Variants in TNKS observed in about 807,000 individuals in gnomAD.
The protein encoded by TNKS is tankyrase.
TNKS carries 72 observed loss-of-function variants against 135.8 expected under a neutral mutation model. That is an observed-to-expected ratio of 0.53 (90% CI 0.44 to 0.64). The LOEUF (loss-of-function observed/expected upper bound fraction) is 0.64. Ranked by LOEUF, TNKS falls within the 30% of genes least tolerant of loss-of-function variation. The probability of loss-of-function intolerance (pLI) is 0.00; values close to 1 mark genes in which losing one functional copy is unlikely to be tolerated. For synonymous variants in TNKS, 849 were observed against 649.3 expected (o/e 1.31, Z -4.68); for missense variants, 1,769 against 1,674.0 (o/e 1.06, Z -0.99).
intron 1 of TNKS, among the ~76,000 whole-genome samples, chr8:9,563,769 CT>C (rs1797424403): frequency 6.6e-6 from 1 of 152,024 alleles, no homozygotes; most frequent in Admixed American, 6.6e-5. Context: ...ATAATTTTGT[CT>C]GCTTTGTGGG....
chr8:9,727,988 A>G (rs1360812395), intron 13 of TNKS, among the ~76,000 whole-genome samples: 3 of 152,180 alleles, frequency 2.0e-5, no homozygotes, highest in Admixed American at 6.5e-5. Flanking sequence ...TAAATATAAG[A>G]CGATTAGGCT....
chr8:9,661,333 A>G (rs188777640), intron 3 of TNKS, among the ~76,000 whole-genome samples: 1,550 of 152,346 alleles, frequency 0.01, 20 homozygotes, highest in African/African-American at 0.033. Flanking sequence ...ACTTCAAACT[A>G]TACTACAAGG....
chr8:9,753,817 G>T (rs1806682935), intron 20 of TNKS, among the ~76,000 whole-genome samples: 1 of 152,184 alleles, frequency 6.6e-6, no homozygotes, highest in Non-Finnish European at 1.5e-5. Context: ...CTGCCCGTAG[G>T]TATAATTCCT....
chr8:9,637,844 A>G (rs753490517), intron 3 of TNKS, among the ~76,000 whole-genome samples: 1 of 152,192 alleles, frequency 6.6e-6, no homozygotes, highest in Non-Finnish European at 1.5e-5. Flanking sequence ...AATGCAAGCA[A>G]TGTTTAAACC....
At position 9,778,135 on chromosome 8, in the gene TNKS, T is replaced by G. The variant is rs1288534978; in HGVS notation, c.*1399T>G. ...TTCATCAACATTTACCAAGTGCCAT[T>G]GACATTTATAAAAAAAAATGATCCT... is the stretch of plus-strand genomic sequence containing the variant. On this transcript the variant is annotated 3_prime_UTR_variant, in exon 27 of 27. Transcript: ENST00000310430. The G allele has an allele frequency of 1.6e-5, 1 of 60,710 alleles. No individual in the cohort carries two copies. Among genetic ancestry groups the G allele is most frequent in the Non-Finnish European group, 3.2e-5 (1 of 31,360 alleles). 3.8% of individuals were successfully genotyped at this position (60,710 alleles called of 1,614,324 possible).
chr8:9,629,024 A>C (rs1231543272), intron 3 of TNKS, among the ~76,000 whole-genome samples: 1 of 152,182 alleles, frequency 6.6e-6, no homozygotes, highest in Non-Finnish European at 1.5e-5. Context: ...TACCTCCAAA[A>C]TCTATTCCAA....
chr8:9,734,833 T>C (rs1805613310), intron 15 of TNKS, 32 bp from the exon 16 acceptor site: 5 of 1,583,650 alleles, frequency 3.2e-6, no homozygotes, highest in Non-Finnish European at 4.3e-6. Flanking sequence ...CTACAGAAAA[T>C]ACAAACCCCA....
chr8:9,580,224 G>A lies in TNKS; in HGVS notation c.739G>A (p.Asp247Asn), dbSNP rs530429097. Residue 247 changes from aspartate to asparagine, a missense_variant, in exon 2 of 27, where the codon GAT becomes AAT. Physicochemically the swap from Asp to Asn is conservative, Grantham distance 23 (BLOSUM62 1). Transcript: ENST00000310430. The stretch of plus-strand genomic sequence containing the variant: ...GGGTGCTAATGTCCACGCTCGTGAT[G>A]ATGGAGGTCTCATCCCGCTTCATAA... ...QMGANVHARDDGGLIPLHNAC... is the reference protein window; with the variant it reads ...QMGANVHARDNGGLIPLHNAC... 1 of 1,614,166 alleles carries A rather than the reference G, an allele frequency of 6.2e-7. No individual in the cohort carries two copies. The highest frequency in any genetic ancestry group is 2.2e-5 in the East Asian group (1 of 44,874).
Position 9,612,185 on chromosome 8 carries a change from A to G in TNKS, c.899-3397A>G, listed in dbSNP as rs149750547. On this transcript the variant is annotated intron_variant, in intron 2 of 26. Coordinates refer to ENST00000310430, the MANE Select transcript of TNKS (RefSeq NM_003747.3). ...TGGCTCAGTGCTTCTCAAATTGTCT[A>G]TGGTAGAGAACTGGGTTTTCTTTTT... 2.3e-3 allele frequency among the ~76,000 whole-genome samples: 352 copies of G among 152,256 alleles called. 2 individuals are homozygous for G. The highest frequency in any genetic ancestry group is 8.0e-3 in the African/African-American group (331 of 41,530).
chr8:9,608,968 A>G (rs1299544078), intron 2 of TNKS, among the ~76,000 whole-genome samples: 2 of 152,160 alleles, frequency 1.3e-5, no homozygotes, highest in East Asian at 3.9e-4. Flanking sequence ...GTCTGATACC[A>G]GTTACTCCAT....
chr8:9,556,746 T>A, intron 1 of TNKS, 134 bp downstream of exon 1: 1 of 933,498 alleles, frequency 1.1e-6, no homozygotes, highest in Non-Finnish European at 1.5e-6. Context: ...ACCAGAAGAC[T>A]GGAGGTTCCT....
At chr8:9,692,182 G>A (rs1413912790) in intron 5 of TNKS, among the ~76,000 whole-genome samples, 2 of 152,068 alleles carry the variant, frequency 1.3e-5, no homozygotes, top group African/African-American at 4.8e-5. Context: ...AATACCCAAC[G>A]GGTAGCCATC....
intron 15 of TNKS, among the ~76,000 whole-genome samples, chr8:9,734,411 C>A (rs1487180797): frequency 6.6e-6 from 1 of 151,868 alleles, no homozygotes; most frequent in East Asian, 1.9e-4. Flanking sequence ...AAAATATTAC[C>A]AAACTTTATT....
At chr8:9,776,611 A>C (rs779223855) in intron 26 of TNKS, 39 bp from the exon 27 acceptor site, 1 of 1,587,276 alleles carries the variant, frequency 6.3e-7, no homozygotes, top group Non-Finnish European at 8.7e-7. Context: ...TATTGTGCCT[A>C]CTAGAAGGGT....
At chr8:9,632,544 T>C (rs138171693) in intron 3 of TNKS, among the ~76,000 whole-genome samples, 2 of 152,338 alleles carry the variant, frequency 1.3e-5, no homozygotes, top group Non-Finnish European at 2.9e-5. Flanking sequence ...CAATACTAGG[T>C]AACTCTTTCT....
chr8:9,598,751 G>GTGTA (rs1221838527), intron 2 of TNKS, among the ~76,000 whole-genome samples: 47 of 93,544 alleles, frequency 5.0e-4, no homozygotes, highest in African/African-American at 1.7e-3. Flanking sequence ...GTGTATATAT[G>GTGTA]TATATGTGTG....
At chr8:9,613,894 C>A (rs1799548663) in intron 2 of TNKS, among the ~76,000 whole-genome samples, 1 of 152,086 alleles carries the variant, frequency 6.6e-6, no homozygotes, top group African/African-American at 2.4e-5. Flanking sequence ...ATGAAAGCTC[C>A]CATCATTTAA....
In TNKS at chr8:9,750,725, A is replaced by G. The variant is rs1051458956; in HGVS notation, c.2833-884A>G. Among the ~76,000 whole-genome samples the G allele has an allele frequency of 4.6e-5, 7 of 152,094 alleles. No individual in the cohort carries two copies. The South Asian group carries it at 1.5e-3, about 32-fold the overall frequency. On this transcript the variant is annotated intron_variant, in intron 18 of 26. Coordinates refer to ENST00000310430, the MANE Select transcript of TNKS (RefSeq NM_003747.3). ...ATTGCTGCCCACTAAGCCACCCCCA[A>G]ACCCACTGAGGGTTTAACGTGACAA...
chr8:9,672,743 C>A (rs1277200139), intron 3 of TNKS, among the ~76,000 whole-genome samples: 5 of 148,328 alleles, frequency 3.4e-5, no homozygotes, highest in Non-Finnish European at 7.4e-5. Context: ...TATCCCACTT[C>A]CCCCAGCCCC....
Sources: gnomAD v4.1 joint callset for allele counts (sites outside exome capture counted in the v4.1 genomes callset) on GRCh38, gnomAD v4.1.1 for gene constraint, MANE v1.5 for transcripts, NCBI Gene and HGNC (gene_info 2026-07-23, HGNC 2026-07-21) for gene names.